NOS1AP: variants seen among roughly 807,000 people sequenced by gnomAD.
NOS1AP encodes the protein nitric oxide synthase 1 adaptor protein.
A neutral mutation model predicts 56.2 loss-of-function variants in NOS1AP; 21 were observed. The ratio of observed to expected loss-of-function variants is 0.37; its 90% confidence interval spans 0.26 to 0.54. NOS1AP has a LOEUF of 0.54. NOS1AP is among the 20% of genes least tolerant of loss of function. The pLI is 0.84. For missense variants in NOS1AP, 522 were observed against 657.8 expected (o/e 0.79, Z 2.26); for synonymous variants, 270 against 274.6 (o/e 0.98, Z 0.17).
At chr1:162,164,150 A>G (rs951757148) in intron 2 of NOS1AP, among the ~76,000 whole-genome samples, 6 of 152,190 alleles carry the variant, frequency 3.9e-5, no homozygotes, top group Non-Finnish European at 7.4e-5. Flanking sequence ...CTCAGTCCAC[A>G]GTTTCTTGCA....
chr1:162,090,329 G>A (rs1571001312), intron 1 of NOS1AP, among the ~76,000 whole-genome samples: 1 of 148,440 alleles, frequency 6.7e-6, no homozygotes, highest in African/African-American at 2.5e-5. Flanking sequence ...CTTATAATTT[G>A]TATACAGTTA....
intron 2 of NOS1AP, among the ~76,000 whole-genome samples, chr1:162,204,225 C>T (rs1354376558): frequency 6.6e-6 from 1 of 152,256 alleles, no homozygotes; most frequent in Admixed American, 6.5e-5. Context: ...TCTTTCTCTG[C>T]TGCCCTACAT....
chr1:162,212,438 A>G (rs1018539509), intron 2 of NOS1AP, among the ~76,000 whole-genome samples: 7 of 152,060 alleles, frequency 4.6e-5, no homozygotes, highest in African/African-American at 1.4e-4. Flanking sequence ...GCACCAAACT[A>G]TTTACTCTCC....
At chr1:162,321,729 A>T (rs9787267) in intron 4 of NOS1AP, among the ~76,000 whole-genome samples, 25,613 of 127,068 alleles carry the variant, frequency 0.2, 2,562 homozygotes, top group East Asian at 0.38. Context: ...TAAAAAAAAA[A>T]AAATATATAT....
chr1:162,204,635 C>T (rs1300348812), intron 2 of NOS1AP, among the ~76,000 whole-genome samples: 3 of 152,174 alleles, frequency 2.0e-5, no homozygotes, highest in Non-Finnish European at 2.9e-5. Context: ...TTGTATATTT[C>T]CTGTGTTAGT....
intron 4 of NOS1AP, among the ~76,000 whole-genome samples, chr1:162,330,347 C>T (rs1265632324): frequency 6.6e-6 from 1 of 152,178 alleles, no homozygotes; most frequent in East Asian, 1.9e-4. Flanking sequence ...AAGATGTGTT[C>T]CTTGTTCCTT....
intron 1 of NOS1AP, among the ~76,000 whole-genome samples, chr1:162,140,197 C>T (rs527448369): frequency 6.6e-6 from 1 of 152,326 alleles, no homozygotes; most frequent in East Asian, 1.9e-4. Context: ...TGCAGGCCCT[C>T]TGTTCTCATC....
At chr1:162,337,099 C>T (rs765180424) in intron 5 of NOS1AP, among the ~76,000 whole-genome samples, 5 of 152,188 alleles carry the variant, frequency 3.3e-5, no homozygotes, top group Non-Finnish European at 5.9e-5. Flanking sequence ...TGGATGTCAT[C>T]CTCCTGTCAT....
At chr1:162,071,752 A>T (rs1450476496) in intron 1 of NOS1AP, among the ~76,000 whole-genome samples, 3 of 152,170 alleles carry the variant, frequency 2.0e-5, no homozygotes, top group Admixed American at 6.5e-5. Context: ...TTTGGTGAGC[A>T]GAGGTTTTTA....
intron 8 of NOS1AP, chr1:162,363,662 C>A: frequency 4.5e-6 from 2 of 448,306 alleles, no homozygotes; most frequent in South Asian, 9.4e-5. Flanking sequence ...CACTAATCAT[C>A]TAATAAGCAT....
chr1:162,308,921 C>A (rs528526346), intron 4 of NOS1AP, among the ~76,000 whole-genome samples: 1 of 152,164 alleles, frequency 6.6e-6, no homozygotes, highest in Non-Finnish European at 1.5e-5. Flanking sequence ...TCAGTGATAT[C>A]GGGCAACCTC....
intron 4 of NOS1AP, among the ~76,000 whole-genome samples, chr1:162,306,509 G>A (rs370156501): frequency 2.2e-4 from 34 of 152,224 alleles, no homozygotes; most frequent in African/African-American, 1.2e-4. Context: ...GTGGGCAACC[G>A]TAAAATAGGA....
chr1:162,251,534 GA>G lies in NOS1AP; in HGVS notation c.178-35809del, dbSNP rs558532141. Among the ~76,000 whole-genome samples, 28 of 151,992 alleles carry G rather than the reference GA, an allele frequency of 1.8e-4. No homozygotes were observed. In the East Asian group the frequency reaches 5.2e-3, roughly 28 times the overall value. On this transcript the variant is annotated intron_variant, in intron 2 of 9. Coordinates refer to ENST00000361897, the MANE Select transcript of NOS1AP (RefSeq NM_014697.3). The stretch of plus-strand genomic sequence containing the variant: ...AAATAAAAGCTTTATATTGAAAGTT[GA>G]CTCCCAAGGAGACAGGAGTCAAGCT...
intron 4 of NOS1AP, among the ~76,000 whole-genome samples, chr1:162,316,467 T>G (rs148129071): frequency 3.2e-4 from 49 of 152,368 alleles, no homozygotes; most frequent in African/African-American, 1.2e-3. Context: ...GCTACTGCTG[T>G]GCAGTTAGCT....
chr1:162,338,815 C>T (rs1016940419), intron 5 of NOS1AP: 1 of 152,126 alleles, frequency 6.6e-6, no homozygotes, highest in African/African-American at 2.4e-5. Context: ...CTACCACTGT[C>T]GGCTTTTGTT....
At chr1:162,093,565 AT>A (rs887559358) in intron 1 of NOS1AP, among the ~76,000 whole-genome samples, 68 of 150,572 alleles carry the variant, frequency 4.5e-4, no homozygotes, top group Non-Finnish European at 8.9e-4. Flanking sequence ...ATTTTATTTT[AT>A]TTTTTTTTGC....
intron 6 of NOS1AP, among the ~76,000 whole-genome samples, chr1:162,348,327 G>A (rs535424424): frequency 6.6e-6 from 1 of 152,332 alleles, no homozygotes; most frequent in Non-Finnish European, 1.5e-5. Context: ...GTAGAAATGA[G>A]GTGAGACTGG....
chr1:162,151,078 C>A (rs1237756567), intron 1 of NOS1AP, among the ~76,000 whole-genome samples: 1 of 152,144 alleles, frequency 6.6e-6, no homozygotes, highest in African/African-American at 2.4e-5. Flanking sequence ...TTTCTTTTAA[C>A]AGTTTCATAG....
chr1:162,362,582 T>A (rs1374676759), intron 8 of NOS1AP, among the ~76,000 whole-genome samples: 3 of 152,260 alleles, frequency 2.0e-5, no homozygotes, highest in Non-Finnish European at 4.4e-5. Context: ...TGTTTATATC[T>A]GCTGAAAGAC....
Sources: allele counts gnomAD v4.1 joint callset (sites outside exome capture counted in the v4.1 genomes callset), GRCh38; gene constraint gnomAD v4.1.1; transcripts MANE v1.5; gene names NCBI Gene and HGNC (gene_info 2026-07-23, HGNC 2026-07-21).